Variants in CCDC192 observed in about 807,000 individuals in gnomAD.
The protein encoded by CCDC192 is coiled-coil domain-containing protein 192.
chr5:127,832,394 C>T (rs1187058777), intron 5 of CCDC192, among the ~76,000 whole-genome samples: 1 of 152,082 alleles, frequency 6.6e-6, no homozygotes, highest in Non-Finnish European at 1.5e-5. Flanking sequence ...GTGTATGTAA[C>T]CTGAAGAAAC....
At chr5:127,797,860 C>CATT (rs1050957892) in intron 4 of CCDC192, among the ~76,000 whole-genome samples, 6 of 149,504 alleles carry the variant, frequency 4.0e-5, no homozygotes, top group Admixed American at 2.7e-4. Context: ...ATCAAGCTAA[C>CATT]ATTATCTTAC....
At chr5:127,926,321 T>C (rs190362403) in intron 6 of CCDC192, among the ~76,000 whole-genome samples, 1 of 152,320 alleles carries the variant, frequency 6.6e-6, no homozygotes, top group South Asian at 2.1e-4. Flanking sequence ...ACTTTAACAA[T>C]CTGATAAGTG....
chr5:127,809,439 T>TG (rs200192687), intron 5 of CCDC192, among the ~76,000 whole-genome samples: 1 of 152,092 alleles, frequency 6.6e-6, no homozygotes, highest in Non-Finnish European at 1.5e-5. Flanking sequence ...ATTAGTGTGT[T>TG]GGGGGGGATG....
At chr5:127,787,151 T>C (rs1305733388) in intron 3 of CCDC192, 3 of 224,562 alleles carry the variant, frequency 1.3e-5, no homozygotes, top group Non-Finnish European at 1.9e-5. Context: ...TCACAGCAGT[T>C]TGGAAAGAAT....
intron 1 of CCDC192, among the ~76,000 whole-genome samples, chr5:127,704,029 C>T (rs932685350): frequency 6.6e-6 from 1 of 152,214 alleles, no homozygotes; most frequent in Non-Finnish European, 1.5e-5. Context: ...TGACACCATA[C>T]TCATTTCCCT....
chr5:127,824,205 A>C (rs1435893501), intron 5 of CCDC192, among the ~76,000 whole-genome samples: 1 of 152,226 alleles, frequency 6.6e-6, no homozygotes, highest in Non-Finnish European at 1.5e-5. Flanking sequence ...GGTTTCCTTG[A>C]GACACTAACA....
At chr5:127,927,443 C>T (rs140423158) in intron 6 of CCDC192, among the ~76,000 whole-genome samples, 13 of 152,016 alleles carry the variant, frequency 8.6e-5, no homozygotes, top group African/African-American at 2.9e-4. Flanking sequence ...AACTATCCCC[C>T]GAGAATGAGT....
At chr5:127,797,587 A>T (rs1757227543) in intron 4 of CCDC192, among the ~76,000 whole-genome samples, 1 of 151,498 alleles carries the variant, frequency 6.6e-6, no homozygotes, top group Non-Finnish European at 1.5e-5. Context: ...AACATTTGGC[A>T]TATGTTTTTT....
At chr5:127,901,121 A>G (rs934708106) in intron 6 of CCDC192, among the ~76,000 whole-genome samples, 5 of 152,214 alleles carry the variant, frequency 3.3e-5, no homozygotes, top group Admixed American at 3.3e-4. Context: ...ATTTTATCCC[A>G]TGTAATACAA....
At chr5:127,726,563 G>C (rs1752334636) in intron 2 of CCDC192, among the ~76,000 whole-genome samples, 1 of 152,222 alleles carries the variant, frequency 6.6e-6, no homozygotes, top group African/African-American at 2.4e-5. Flanking sequence ...GCTCCAGTCT[G>C]CCATTTTCTC....
chr5:127,865,855 A>G (rs1751586983), intron 5 of CCDC192, among the ~76,000 whole-genome samples: 1 of 152,028 alleles, frequency 6.6e-6, no homozygotes, highest in African/African-American at 2.4e-5. Context: ...ATTTATTTGC[A>G]GATCAACTCC....
intron 2 of CCDC192, among the ~76,000 whole-genome samples, chr5:127,726,357 A>G (rs1752322295): frequency 6.6e-6 from 1 of 152,284 alleles, no homozygotes; most frequent in East Asian, 1.9e-4. Context: ...AATTTCAGCG[A>G]CACATTTATT....
chr5:127,737,352 A>G (rs1488785928), intron 2 of CCDC192, among the ~76,000 whole-genome samples: 1 of 152,106 alleles, frequency 6.6e-6, no homozygotes, highest in Non-Finnish European at 1.5e-5. Context: ...ACTTCCAAGT[A>G]TGTGGTCAGT....
chr5:127,798,458 T>G (rs1561494620), intron 5 of CCDC192, among the ~76,000 whole-genome samples: 1 of 152,072 alleles, frequency 6.6e-6, no homozygotes, highest in Non-Finnish European at 1.5e-5. Context: ...GCCAGTCTAG[T>G]TGGGTGAGTA....
intron 5 of CCDC192, among the ~76,000 whole-genome samples, chr5:127,804,966 A>G (rs547772682): frequency 1.3e-5 from 2 of 152,236 alleles, no homozygotes; most frequent in Admixed American, 1.3e-4. Flanking sequence ...GTGCTGGGAT[A>G]CCTCTCCAGC....
At chr5:127,794,394 A>C (rs183325742) in intron 3 of CCDC192, among the ~76,000 whole-genome samples, 2 of 152,222 alleles carry the variant, frequency 1.3e-5, no homozygotes, top group African/African-American at 2.4e-5. Context: ...CTTTATCTGC[A>C]AAATGGGAGC....
At chr5:127,778,171 A>T (rs543169412) in intron 3 of CCDC192, among the ~76,000 whole-genome samples, 1 of 152,342 alleles carries the variant, frequency 6.6e-6, no homozygotes, top group East Asian at 1.9e-4. Flanking sequence ...AACAGTGGTG[A>T]AAGTAGACAT....
chr5:127,730,138 GAAGAA>G (rs1292594733), intron 2 of CCDC192, among the ~76,000 whole-genome samples: 9 of 151,868 alleles, frequency 5.9e-5, no homozygotes, highest in African/African-American at 1.7e-4. Flanking sequence ...GACTAATAAA[GAAGAA>G]AAGAGAGAGG....
intron 6 of CCDC192, among the ~76,000 whole-genome samples, chr5:127,902,639 A>G (rs2127168088): frequency 6.6e-6 from 1 of 152,378 alleles, no homozygotes; most frequent in East Asian, 1.9e-4. Flanking sequence ...GCATTCAACA[A>G]CTTGCATGAC....
Sources: gnomAD v4.1 joint callset for allele counts (sites outside exome capture counted in the v4.1 genomes callset) on GRCh38, gnomAD v4.1.1 for gene constraint, MANE v1.5 for transcripts, NCBI Gene and HGNC (gene_info 2026-07-23, HGNC 2026-07-21) for gene names.